HEATR4: variants seen among roughly 807,000 people sequenced by gnomAD.
HEATR4 encodes HEAT repeat containing 4, also known as HEAT repeat-containing protein 4.
HEATR4 carries 95 observed loss-of-function variants against 108.8 expected under a neutral mutation model. The observed-to-expected ratio is 0.87, with a 90% CI of 0.74 to 1.04. HEATR4 has a LOEUF of 1.04. Ranked by LOEUF, HEATR4 falls within the 50% of genes least tolerant of loss-of-function variation. HEATR4 has a pLI of 0.00. For missense variants in HEATR4, 1,152 were observed against 1,253.8 expected, an observed-to-expected ratio of 0.92 and a Z score of 1.23; for synonymous variants, 443 against 459.4, an observed-to-expected ratio of 0.96 and a Z score of 0.46.
chr14:73,590,644 C>G, the HEATR4 span, among the ~76,000 whole-genome samples: 3 of 152,172 alleles, frequency 2.0e-5, no homozygotes, highest in Admixed American at 6.5e-5. Context: ...AGCTAAGGCC[C>G]GCTGAGAAAT....
Position 73,485,906 on chromosome 14 carries a change from G to A in HEATR4, c.2845-7064C>T, listed in dbSNP as rs554946440. Among the ~76,000 whole-genome samples, 31 of 151,790 alleles carry A rather than the reference G, an allele frequency of 2.0e-4. No homozygotes were observed. The South Asian group carries it at 4.2e-3, about 20-fold the overall frequency. On this transcript the variant is annotated intron_variant, in intron 17 of 17. Coordinates refer to ENST00000553558, the MANE Select transcript of HEATR4 (RefSeq NM_001220484.1). ...AATGCTGATTTTTCATAGCAACAGCGTCTCACCATGTTGCTCAGGCTGGTC... is the reference window on the plus strand; with the variant it reads ...AATGCTGATTTTTCATAGCAACAGCATCTCACCATGTTGCTCAGGCTGGTC...
upstream of HEATR4, among the ~76,000 whole-genome samples, chr14:73,559,726 G>T (rs1332871113): frequency 6.6e-6 from 1 of 151,976 alleles, no homozygotes; most frequent in East Asian, 1.9e-4. Flanking sequence ...TGGGCAGCAA[G>T]AGTGAAGTGC....
intron 14 of HEATR4, among the ~76,000 whole-genome samples, chr14:73,496,882 G>A (rs1566823768): frequency 6.6e-6 from 1 of 151,998 alleles, no homozygotes; most frequent in East Asian, 1.9e-4. Flanking sequence ...ATATTTGTGG[G>A]TTTTTTGTTT....
At chr14:73,589,474 C>T in the HEATR4 span, among the ~76,000 whole-genome samples, 1 of 152,242 alleles carries the variant, frequency 6.6e-6, no homozygotes, top group Admixed American at 6.5e-5. Flanking sequence ...TGCACATCAC[C>T]ATGCCCCACT....
the HEATR4 span, among the ~76,000 whole-genome samples, chr14:73,594,665 T>C: frequency 7.4e-3 from 1,107 of 149,064 alleles, 15 homozygotes; most frequent in African/African-American, 0.026. Flanking sequence ...TGTTTTTGCA[T>C]TGGATAAGTT....
intron 17 of HEATR4, chr14:73,491,883 T>C: frequency 1.9e-6 from 3 of 1,611,776 alleles, no homozygotes; most frequent in Non-Finnish European, 8.5e-7. Flanking sequence ...GCGTGGTCCC[T>C]GTACCAGGCC....
the HEATR4 span, among the ~76,000 whole-genome samples, chr14:73,585,554 T>C: frequency 6.6e-6 from 1 of 152,016 alleles, no homozygotes; most frequent in East Asian, 1.9e-4. Context: ...CCGGGCTTGG[T>C]AGCACTCGAC....
rs560392366 is a variant in HEATR4, at chr14:73,544,451, C to A, written c.-151-14207G>T. The stretch of plus-strand genomic sequence containing the variant: ...CTAGTTAGATATAAAACTACTAAAA[C>A]TTTTCAAAACCAATACATATTTAGT... On this transcript the variant is annotated intron_variant, in intron 1 of 17. Transcript: ENST00000553558. Among the ~76,000 whole-genome samples, 35 of 115,500 alleles carry A rather than the reference C, an allele frequency of 3.0e-4. 10 individuals are homozygous for A. Among genetic ancestry groups the A allele is most frequent in the African/African-American group, 9.2e-4 (33 of 35,704 alleles). The allele number at this position is 115,500 out of a possible 152,430, so 75.8% of individuals were successfully genotyped here.
At chr14:73,487,965 T>C (rs1277601580) in intron 17 of HEATR4, among the ~76,000 whole-genome samples, 1 of 152,194 alleles carries the variant, frequency 6.6e-6, no homozygotes, top group Non-Finnish European at 1.5e-5. Context: ...TTGGGGATGA[T>C]AGGCTGTAAC....
At chr14:73,482,470 C>T (rs936980059) in intron 17 of HEATR4, among the ~76,000 whole-genome samples, 2 of 152,044 alleles carry the variant, frequency 1.3e-5, no homozygotes, top group East Asian at 1.9e-4. Flanking sequence ...TGCAATGGGC[C>T]GAGACTGCGC....
At chr14:73,570,269 A>G in the HEATR4 span, among the ~76,000 whole-genome samples, 7 of 151,954 alleles carry the variant, frequency 4.6e-5, no homozygotes, top group African/African-American at 1.7e-4. Context: ...CCTAGTGCTC[A>G]GTTAAAAGAC....
chr14:73,490,932 C>T (rs1885664486), intron 17 of HEATR4: 1 of 1,267,324 alleles, frequency 7.9e-7, no homozygotes, highest in Non-Finnish European at 1.0e-6. Flanking sequence ...GCCCCCTTCC[C>T]AGAGTGCACC....
intron 17 of HEATR4, chr14:73,491,680 C>G: frequency 6.5e-7 from 1 of 1,549,814 alleles, no homozygotes; most frequent in Non-Finnish European, 8.7e-7. Context: ...TTTACCGGCG[C>G]CTATGGGAGC....
At chr14:73,482,296 C>A (rs1885291364) in intron 17 of HEATR4, among the ~76,000 whole-genome samples, 1 of 152,136 alleles carries the variant, frequency 6.6e-6, no homozygotes, top group African/African-American at 2.4e-5. Context: ...CTGAGGCGGG[C>A]AGATCACCTG....
chr14:73,612,984 C>G, the HEATR4 span: 4 of 1,093,768 alleles, frequency 3.7e-6, no homozygotes, highest in Admixed American at 3.6e-5. Context: ...CGGCGCGAGC[C>G]GGTGCGCGCG....
At chr14:73,595,344 T>A in the HEATR4 span, 1 of 1,614,258 alleles carries the variant, frequency 6.2e-7, no homozygotes, top group South Asian at 1.1e-5. Context: ...GGGCCCATCC[T>A]GCTCATTGTT....
rs2140238162 is a variant in HEATR4 at position 73,479,918 on chromosome 14, T to C, written c.2845-1076A>G. ...TCAAAAGCCTAACACCAGGGTAGTCTCTCTCAGCCTACTCTGGCTTGAAAA... is the reference window on the plus strand; with the variant it reads ...TCAAAAGCCTAACACCAGGGTAGTCCCTCTCAGCCTACTCTGGCTTGAAAA... On this transcript the variant is annotated intron_variant, in intron 17 of 17. Transcript: ENST00000553558. Among the ~76,000 whole-genome samples, 2 of 152,194 alleles carry C rather than the reference T, an allele frequency of 1.3e-5. 1 individual carries two copies. The highest frequency in any genetic ancestry group is 4.1e-4 in the South Asian group (2 of 4,822).
At position 73,541,330 on chromosome 14, in the gene HEATR4, A is replaced by G. The variant is rs184956780; in HGVS notation, c.-151-11086T>C. 2.3e-3 allele frequency among the ~76,000 whole-genome samples: 264 copies of G among 112,582 alleles called. 91 individuals carry two copies. Among genetic ancestry groups the G allele is most frequent in the Non-Finnish European group, 4.3e-3 (227 of 52,184 alleles). The allele number at this position is 112,582 out of a possible 152,430, so 73.9% of individuals were successfully genotyped here. A position where few individuals can be genotyped will look rare whatever the true frequency, so the allele number is the denominator to read the frequency against. Reference sequence around the variant, plus strand: ...AATAAAGTCACTATAAACACTTGCCAGAAGTTTCTGGACGAACACAGGTTT... The same window carrying G: ...AATAAAGTCACTATAAACACTTGCCGGAAGTTTCTGGACGAACACAGGTTT... On this transcript the variant is annotated intron_variant, in intron 1 of 17. Coordinates refer to ENST00000553558, the MANE Select transcript of HEATR4 (RefSeq NM_001220484.1).
chr14:73,595,550 C>A, the HEATR4 span: 10 of 1,604,850 alleles, frequency 6.2e-6, no homozygotes, highest in Non-Finnish European at 8.5e-6. Flanking sequence ...GGGTGGGGAG[C>A]CCAGGGCTCA....
Sources: allele counts gnomAD v4.1 joint callset (sites outside exome capture counted in the v4.1 genomes callset), GRCh38; gene constraint gnomAD v4.1.1; transcripts MANE v1.5; gene names NCBI Gene and HGNC (gene_info 2026-07-23, HGNC 2026-07-21).